Variants in TUBA1C observed in about 807,000 individuals in gnomAD.
TUBA1C encodes tubulin alpha 1c, also known as tubulin alpha-1C chain.
Under a neutral mutation model 34.9 loss-of-function variants are expected in TUBA1C, and 16 were observed. The observed-to-expected ratio is 0.46, with a 90% CI of 0.31 to 0.70. The LOEUF is 0.70. TUBA1C is among the 30% of genes least tolerant of loss of function. The probability of loss-of-function intolerance (pLI) is 0.05; values close to 1 mark genes in which losing one functional copy is unlikely to be tolerated. For missense variants in TUBA1C, 329 were observed against 587.3 expected (o/e 0.56, Z 4.55); for synonymous variants, 177 against 215.9 (o/e 0.82, Z 1.58).
chr12:49,237,677 C>T (rs147140382), intron 1 of TUBA1C, among the ~76,000 whole-genome samples: 292 of 147,560 alleles, frequency 2.0e-3, no homozygotes, highest in Middle Eastern at 0.014. Flanking sequence ...CCTAGGAGTT[C>T]GAGGGTGCAG....
chr12:49,256,412 C>G, intron 1 of TUBA1C: 2 of 455,538 alleles, frequency 4.4e-6, no homozygotes, highest in South Asian at 3.1e-5. Context: ...GAACCCAGCT[C>G]TGTCCCTTGG....
intron 1 of TUBA1C, chr12:49,233,012 G>A (rs916616158): frequency 6.6e-6 from 1 of 152,192 alleles, no homozygotes; most frequent in Non-Finnish European, 1.5e-5. Flanking sequence ...GAAAGCAGCT[G>A]GTTTACGAGA....
chr12:49,228,576 T>C (rs540161270), intron 1 of TUBA1C, among the ~76,000 whole-genome samples: 22 of 152,356 alleles, frequency 1.4e-4, no homozygotes, highest in African/African-American at 5.3e-4. Flanking sequence ...GAATACAGGC[T>C]ATTGAAGCCT....
At chr12:49,250,165 C>T (rs1413079866) in intron 1 of TUBA1C, among the ~76,000 whole-genome samples, 1 of 151,932 alleles carries the variant, frequency 6.6e-6, no homozygotes, top group Non-Finnish European at 1.5e-5. Flanking sequence ...TGCCACTGCA[C>T]TGCAACCTGG....
intron 1 of TUBA1C, among the ~76,000 whole-genome samples, chr12:49,257,436 G>T (rs2137008158): frequency 6.6e-6 from 1 of 152,214 alleles, no homozygotes; most frequent in East Asian, 1.9e-4. Flanking sequence ...GGTACTAGCA[G>T]TGGAGGGGCT....
chr12:49,273,046 G>C lies in TUBA1C; in HGVS notation c.1169G>C (p.Arg390Pro), dbSNP rs1158372046. 1 of 1,614,172 alleles carries C rather than the reference G, an allele frequency of 6.2e-7. No homozygotes were observed. The highest frequency in any genetic ancestry group is 8.5e-7 in the Non-Finnish European group (1 of 1,180,028). Residue 390 changes from arginine to proline, a missense_variant, in exon 4 of 4, where the codon CGC becomes CCC. By Grantham distance (103) the Arg-to-Pro change is moderately radical. Around this residue, in one of 4 missense-constraint regions of TUBA1C, gnomAD observed 140 missense variants for 289.8 expected, o/e 0.48. Transcript: ENST00000301072. ...NTTAVAEAWA[R>P]LDHKFDLMYA... is the part of the protein sequence containing the mutation. Reference sequence around the variant, plus strand: ...ACAGCTGTTGCCGAGGCCTGGGCTCGCCTGGACCACAAGTTTGACCTGATG... The same window carrying C: ...ACAGCTGTTGCCGAGGCCTGGGCTCCCCTGGACCACAAGTTTGACCTGATG...
At chr12:49,252,556 G>A (rs1942741484) in intron 1 of TUBA1C, among the ~76,000 whole-genome samples, 1 of 152,170 alleles carries the variant, frequency 6.6e-6, no homozygotes, top group Non-Finnish European at 1.5e-5. Context: ...GGGCAGTGAA[G>A]AAGATATTAC....
intron 1 of TUBA1C, among the ~76,000 whole-genome samples, chr12:49,255,405 A>AAAAAATAT (rs533723121): frequency 4.0e-4 from 57 of 141,308 alleles, no homozygotes; most frequent in Middle Eastern, 7.6e-3. Flanking sequence ...ATCTTTAAAA[A>AAAAAATAT]ATATATATAT....
intron 3 of TUBA1C, among the ~76,000 whole-genome samples, chr12:49,270,871 A>T (rs563302213): frequency 1.3e-5 from 2 of 152,042 alleles, no homozygotes; most frequent in Non-Finnish European, 2.9e-5. Flanking sequence ...CCTAGCTACT[A>T]GGGAGGCTGA....
At position 49,273,778 on chromosome 12, in the gene TUBA1C, C is replaced by G. The variant is rs575062641; in HGVS notation, c.*551C>G. On this transcript the variant is annotated 3_prime_UTR_variant, in exon 4 of 4. Transcript: ENST00000301072. Reference sequence around the variant, plus strand: ...TCAGATTGAGCCAGTGCTTCTCTAACTAAAATGGATGTGAATCACCTGTAG... The same window carrying G: ...TCAGATTGAGCCAGTGCTTCTCTAAGTAAAATGGATGTGAATCACCTGTAG... 1 of 172,082 alleles carries G rather than the reference C, an allele frequency of 5.8e-6. No homozygotes were observed. Among genetic ancestry groups the G allele is most frequent in the South Asian group, 1.4e-4 (1 of 7,246 alleles). The allele number at this position is 172,082 out of a possible 1,614,324, so 10.7% of individuals were successfully genotyped here.
chr12:49,246,970 T>C (rs1443199368), intron 1 of TUBA1C, among the ~76,000 whole-genome samples: 1 of 150,158 alleles, frequency 6.7e-6, no homozygotes, highest in Non-Finnish European at 1.5e-5. Context: ...TGAAACTCCA[T>C]CTCTACTAAA....
At chr12:49,269,323 A>T in intron 1 of TUBA1C, 142 bp from the exon 2 acceptor site, 1 of 1,383,418 alleles carries the variant, frequency 7.2e-7, no homozygotes, top group South Asian at 1.3e-5. Context: ...TCAGCCTCCC[A>T]AAGTACTGGG....
At chr12:49,271,018 A>G (rs1942985642) in intron 3 of TUBA1C, among the ~76,000 whole-genome samples, 1 of 152,186 alleles carries the variant, frequency 6.6e-6, no homozygotes, top group African/African-American at 2.4e-5. Flanking sequence ...AGCTTTAGTT[A>G]TAAGCACTGA....
chr12:49,227,980 G>A (rs1942457618), exon 1 of TUBA1C: 1 of 1,535,608 alleles, frequency 6.5e-7, no homozygotes, highest in Non-Finnish European at 8.7e-7. Flanking sequence ...ATGGGGTGGA[G>A]GAGCTAGGGA....
At chr12:49,242,373 AG>A (rs763211017) in intron 1 of TUBA1C, among the ~76,000 whole-genome samples, 6 of 152,224 alleles carry the variant, frequency 3.9e-5, no homozygotes, top group Non-Finnish European at 8.8e-5. Context: ...TTCCATTTGT[AG>A]AAAATATTAC....
chr12:49,272,106 G>A, intron 3 of TUBA1C, 147 bp from the exon 4 acceptor site: 1 of 1,388,304 alleles, frequency 7.2e-7, no homozygotes, highest in Non-Finnish European at 9.6e-7. Flanking sequence ...TTGATTACAG[G>A]CGTGAGCCAC....
chr12:49,248,279 T>TA (rs1356628345), intron 1 of TUBA1C, among the ~76,000 whole-genome samples: 25 of 142,066 alleles, frequency 1.8e-4, no homozygotes, highest in South Asian at 4.4e-4. Flanking sequence ...GTCTCAAAAG[T>TA]AAAAAAAAAG....
At position 49,269,586 on chromosome 12, in the gene TUBA1C, T is replaced by A. The variant is rs138486283; in HGVS notation, c.125T>A (p.Ile42Asn). Residue 42 changes from isoleucine to asparagine, a missense_variant, in exon 2 of 4, where the codon ATT (isoleucine) becomes AAT (asparagine). This residue lies in a region of TUBA1C where 152 missense variants were observed against 240.3 expected (regional missense o/e 0.63). Coordinates refer to ENST00000301072, the MANE Select transcript of TUBA1C (RefSeq NM_032704.5). ...PDGQMPSDKT[I>N]GGGDDSFNTF... Reference sequence around the variant, plus strand: ...GGCCAGATGCCAAGTGACAAGACCATTGGGGGAGGAGATGATTCCTTCAAC... The same window carrying A: ...GGCCAGATGCCAAGTGACAAGACCAATGGGGGAGGAGATGATTCCTTCAAC... 1 of 1,614,178 alleles carries A rather than the reference T, an allele frequency of 6.2e-7. No homozygotes were observed.
At chr12:49,258,715 A>G (rs1038309485) in intron 1 of TUBA1C, among the ~76,000 whole-genome samples, 8 of 151,722 alleles carry the variant, frequency 5.3e-5, no homozygotes, top group African/African-American at 1.7e-4. Flanking sequence ...GGCATGAGCT[A>G]TCATGCCCGG....
Sources: allele counts gnomAD v4.1 joint callset (sites outside exome capture counted in the v4.1 genomes callset), GRCh38; gene constraint gnomAD v4.1.1; regional missense constraint gnomAD v4.1.1; transcripts MANE v1.5; gene names NCBI Gene and HGNC (gene_info 2026-07-23, HGNC 2026-07-21).